Variants in TGFBRAP1 observed in about 807,000 individuals in gnomAD.
The protein encoded by TGFBRAP1 is transforming growth factor-beta receptor-associated protein 1.
A neutral mutation model predicts 83.2 loss-of-function variants in TGFBRAP1; 20 were observed. The observed-to-expected ratio is 0.24, with a 90% CI of 0.17 to 0.35. The LOEUF is 0.35. TGFBRAP1 is among the 10% of genes least tolerant of loss of function. The probability of loss-of-function intolerance (pLI) is 1.00; values close to 1 mark genes in which losing one functional copy is unlikely to be tolerated. For synonymous variants in TGFBRAP1, 415 were observed against 459.8 expected, an observed-to-expected ratio of 0.90 and a Z score of 1.25; for missense variants, 950 against 1,099.4, an observed-to-expected ratio of 0.86 and a Z score of 1.92.
chr2:105,293,624 T>C (rs1407525111), intron 4 of TGFBRAP1, among the ~76,000 whole-genome samples: 4 of 152,222 alleles, frequency 2.6e-5, no homozygotes, highest in Non-Finnish European at 5.9e-5. Context: ...AGCAATGTAG[T>C]TAACCATATG....
intron 1 of TGFBRAP1, among the ~76,000 whole-genome samples, chr2:105,309,432 G>A (rs1446333252): frequency 6.6e-6 from 1 of 152,204 alleles, no homozygotes; most frequent in African/African-American, 2.4e-5. Flanking sequence ...TGCTTCATGA[G>A]AGCTTAAGTT....
At chr2:105,292,127 C>T (rs1392223198) in intron 4 of TGFBRAP1, among the ~76,000 whole-genome samples, 2 of 152,200 alleles carry the variant, frequency 1.3e-5, no homozygotes, top group South Asian at 4.1e-4. Flanking sequence ...TACCATAGGA[C>T]TGCTTTAGAA....
intron 5 of TGFBRAP1, among the ~76,000 whole-genome samples, chr2:105,282,182 T>TG (rs1677561628): frequency 6.6e-6 from 1 of 152,194 alleles, no homozygotes; most frequent in Non-Finnish European, 1.5e-5. Context: ...CAAGCTAGAA[T>TG]GGGCATGCCA....
intron 8 of TGFBRAP1, among the ~76,000 whole-genome samples, chr2:105,274,760 G>A (rs567476892): frequency 4.1e-4 from 63 of 152,304 alleles, no homozygotes; most frequent in African/African-American, 1.4e-3. Context: ...CCAGCACCAC[G>A]GAGGATATGA....
rs765243875 is a variant in TGFBRAP1 at position 105,308,229 on chromosome 2, C to T, written c.73G>A (p.Val25Ile). 7.4e-6 allele frequency: 12 copies of T among 1,614,084 alleles called. No individual in the cohort carries two copies. The highest frequency in any genetic ancestry group is 6.7e-5 in the African/African-American group (5 of 74,924). Residue 25 changes from valine (V) to isoleucine (I), a missense_variant, in exon 2 of 12, where the codon GTC becomes ATC. Transcript: ENST00000393359. Reference sequence around the variant, plus strand: ...CAGCACTCCACGCACTCTATGTTGACGCGCTCCTTGTCGCCCATCAGCAGC... The same window carrying T: ...CAGCACTCCACGCACTCTATGTTGATGCGCTCCTTGTCGCCCATCAGCAGC... ...RELLMGDKER[V>I]NIECVECCGR...
chr2:105,278,018 C>T (rs1224502728), intron 6 of TGFBRAP1, among the ~76,000 whole-genome samples: 1 of 151,942 alleles, frequency 6.6e-6, no homozygotes, highest in Non-Finnish European at 1.5e-5. Context: ...CTGATTGTGC[C>T]ACTGCACTCC....
chr2:105,291,248 T>G (rs1677902192), intron 4 of TGFBRAP1, among the ~76,000 whole-genome samples: 1 of 152,048 alleles, frequency 6.6e-6, no homozygotes, highest in Non-Finnish European at 1.5e-5. Flanking sequence ...CTTGCTTCTG[T>G]CTCTGCCACG....
intron 6 of TGFBRAP1, among the ~76,000 whole-genome samples, chr2:105,278,441 G>A (rs1465031729): frequency 6.6e-6 from 1 of 152,142 alleles, no homozygotes; most frequent in African/African-American, 2.4e-5. Flanking sequence ...TAGTGTCCGG[G>A]ACTCGCAGAC....
intron 2 of TGFBRAP1, among the ~76,000 whole-genome samples, chr2:105,301,541 T>G (rs1262644589): frequency 6.6e-6 from 1 of 152,030 alleles, no homozygotes. Flanking sequence ...GAGCCGAGAT[T>G]GTGCCACTGC....
intron 9 of TGFBRAP1, among the ~76,000 whole-genome samples, chr2:105,273,301 CA>C (rs1234773885): frequency 2.0e-5 from 3 of 151,922 alleles, no homozygotes; most frequent in Non-Finnish European, 2.9e-5. Context: ...AGGATAATAA[CA>C]AAGAAGGAAA....
chr2:105,251,348 T>C, the TGFBRAP1 span, among the ~76,000 whole-genome samples: 1 of 146,438 alleles, frequency 6.8e-6, no homozygotes, highest in Admixed American at 6.8e-5. Flanking sequence ...CCGCCCATCG[T>C]CTGAGATGTG....
chr2:105,253,157 G>A, the TGFBRAP1 span, among the ~76,000 whole-genome samples: 12 of 151,970 alleles, frequency 7.9e-5, no homozygotes, highest in Non-Finnish European at 1.3e-4. Context: ...TTTTGAGATG[G>A]AGACTAGCTC....
the TGFBRAP1 span, among the ~76,000 whole-genome samples, chr2:105,257,609 C>A: frequency 1.3e-5 from 2 of 151,978 alleles, no homozygotes; most frequent in African/African-American, 2.4e-5. Context: ...CTTTTTCACA[C>A]TGAATAATAT....
At chr2:105,304,915 A>G (rs1678444277) in intron 2 of TGFBRAP1, among the ~76,000 whole-genome samples, 1 of 152,184 alleles carries the variant, frequency 6.6e-6, no homozygotes, top group African/African-American at 2.4e-5. Flanking sequence ...CAAAAAGATC[A>G]GCGGTTGCTG....
intron 2 of TGFBRAP1, among the ~76,000 whole-genome samples, chr2:105,301,402 T>C (rs1678285618): frequency 6.6e-6 from 1 of 151,820 alleles, no homozygotes; most frequent in African/African-American, 2.4e-5. Flanking sequence ...CTGGCCAACA[T>C]GCTGAAACCC....
intron 1 of TGFBRAP1, among the ~76,000 whole-genome samples, chr2:105,328,717 G>A (rs951512646): frequency 1.1e-4 from 16 of 152,232 alleles, no homozygotes; most frequent in African/African-American, 3.9e-4. Flanking sequence ...CACTTCATCA[G>A]TGATTAAACT....
intron 1 of TGFBRAP1, among the ~76,000 whole-genome samples, chr2:105,327,079 CTACTT>C (rs1679244381): frequency 1.3e-5 from 2 of 152,150 alleles, no homozygotes; most frequent in Admixed American, 6.5e-5. Flanking sequence ...CCACAAATGA[CTACTT>C]TAATGTATTT....
downstream of TGFBRAP1, among the ~76,000 whole-genome samples, chr2:105,260,306 G>A (rs756475695): frequency 6.6e-6 from 1 of 152,216 alleles, no homozygotes; most frequent in Non-Finnish European, 1.5e-5. Context: ...GTTACTTGGA[G>A]GCTGAGGCAG....
intron 4 of TGFBRAP1, among the ~76,000 whole-genome samples, chr2:105,285,316 G>T (rs1487738465): frequency 6.6e-6 from 1 of 152,170 alleles, no homozygotes; most frequent in Non-Finnish European, 1.5e-5. Context: ...CCCACTACTA[G>T]CCATGTGTCT....
Sources: allele counts gnomAD v4.1 joint callset (sites outside exome capture counted in the v4.1 genomes callset), GRCh38; gene constraint gnomAD v4.1.1; transcripts MANE v1.5; gene names NCBI Gene and HGNC (gene_info 2026-07-23, HGNC 2026-07-21).